Variants in LNX1 observed in about 807,000 individuals in gnomAD.
The protein encoded by LNX1 is E3 ubiquitin-protein ligase LNX.
LNX1 carries 54 observed loss-of-function variants against 68.4 expected under a neutral mutation model. The ratio of observed to expected loss-of-function variants is 0.79; its 90% CI spans 0.63 to 0.99. The LOEUF (loss-of-function observed/expected upper bound fraction) is 0.99, where lower values mean the gene tolerates loss of function less well. Among genes scored for constraint, LNX1 ranks in the 50% least tolerant of loss-of-function variants. The pLI is 0.00. For synonymous variants in LNX1, 336 were observed against 350.0 expected, an observed-to-expected ratio of 0.96 and a Z score of 0.45; for missense variants, 906 against 926.4, an observed-to-expected ratio of 0.98 and a Z score of 0.29.
rs530828165 is a variant in LNX1, at chr4:53,460,584, A to G, written c.*323T>C. ...CCTTGGCAGACTTCAGCATATACCA[A>G]ATTTTAAATTTAAATCAGCTTGAAT... On this transcript the variant is annotated 3_prime_UTR_variant, in exon 11 of 11. Transcript: ENST00000263925. 7.9e-6 allele frequency: 2 copies of G among 251,662 alleles called. No homozygotes were observed. Among genetic ancestry groups the G allele is most frequent in the South Asian group, 1.1e-4 (1 of 8,814 alleles). 15.6% of individuals were successfully genotyped at this position (251,662 alleles called of 1,614,324 possible).
At chr4:53,539,871 C>T (rs1200391077) in intron 2 of LNX1, among the ~76,000 whole-genome samples, 2 of 152,218 alleles carry the variant, frequency 1.3e-5, no homozygotes, top group African/African-American at 4.8e-5. Flanking sequence ...CCCAGTGAGG[C>T]TGTTCCTTCT....
intron 2 of LNX1, among the ~76,000 whole-genome samples, chr4:53,537,294 C>T (rs141949006): frequency 3.9e-5 from 6 of 152,170 alleles, no homozygotes; most frequent in Non-Finnish European, 7.3e-5. Context: ...AAATGGTAAA[C>T]AACACCCTTG....
intron 1 of LNX1, among the ~76,000 whole-genome samples, chr4:53,636,920 C>T (rs1323835559): frequency 6.6e-6 from 1 of 151,494 alleles, no homozygotes; most frequent in African/African-American, 2.4e-5. Flanking sequence ...ATACACTTAT[C>T]TTGTATGCAG....
chr4:53,470,827 A>C (rs1227674389), intron 9 of LNX1, among the ~76,000 whole-genome samples: 2 of 152,070 alleles, frequency 1.3e-5, no homozygotes, highest in African/African-American at 2.4e-5. Context: ...CCACTGCTCA[A>C]TGAAATAAAA....
chr4:53,565,660 C>T (rs1199518451), intron 2 of LNX1, among the ~76,000 whole-genome samples: 7 of 152,044 alleles, frequency 4.6e-5, no homozygotes, highest in East Asian at 1.9e-4. Context: ...ATGACTTTGA[C>T]GAGCTGAGAG....
chr4:53,515,769 C>T (rs368693443), intron 2 of LNX1, among the ~76,000 whole-genome samples: 22 of 152,092 alleles, frequency 1.4e-4, no homozygotes, highest in African/African-American at 4.8e-4. Flanking sequence ...TGGCACAGCA[C>T]GGAGGAAAAA....
intron 1 of LNX1, among the ~76,000 whole-genome samples, chr4:53,645,969 A>G (rs1371604420): frequency 6.6e-6 from 1 of 152,234 alleles, no homozygotes; most frequent in East Asian, 1.9e-4. Flanking sequence ...AGATGAGGAA[A>G]GCTTGGTACT....
intron 2 of LNX1, among the ~76,000 whole-genome samples, chr4:53,561,524 C>A (rs545346578): frequency 6.6e-5 from 10 of 152,270 alleles, no homozygotes; most frequent in Non-Finnish European, 1.3e-4. Flanking sequence ...CTGTGCCTGG[C>A]CCTCCGTGTA....
Position 53,543,757 on chromosome 4 carries a change from C to T in LNX1, c.380+29866G>A, listed in dbSNP as rs937342552. 3.9e-4 allele frequency among the ~76,000 whole-genome samples: 59 copies of T among 152,106 alleles called. 1 individual carries two copies. Among genetic ancestry groups the T allele is most frequent in the Non-Finnish European group, 2.9e-5 (2 of 68,012 alleles). On this transcript the variant is annotated intron_variant, in intron 2 of 10. Coordinates refer to ENST00000263925, the MANE Select transcript of LNX1 (RefSeq NM_001126328.3). ...TCACATCACTGGGCTCCTTTGAGAT[C>T]CATATGCCTCAATTCAACCCTGTCA...
upstream of LNX1, among the ~76,000 whole-genome samples, chr4:53,596,305 C>T (rs1336666411): frequency 6.6e-6 from 1 of 152,276 alleles, no homozygotes; most frequent in South Asian, 2.1e-4. Context: ...TGTGGACCTA[C>T]AGTTTAGGAG....
At chr4:53,546,845 A>G (rs1433834778) in intron 2 of LNX1, among the ~76,000 whole-genome samples, 2 of 152,162 alleles carry the variant, frequency 1.3e-5, no homozygotes, top group Admixed American at 1.3e-4. Context: ...CAGAGTCAAG[A>G]GACTGGCAGA....
At chr4:53,473,766 C>T (rs1368874824) in intron 9 of LNX1, among the ~76,000 whole-genome samples, 1 of 151,914 alleles carries the variant, frequency 6.6e-6, no homozygotes, top group Admixed American at 6.6e-5. Context: ...ATGAGTTTAC[C>T]TATATAACAA....
intron 6 of LNX1, among the ~76,000 whole-genome samples, chr4:53,483,853 G>C (rs1259335218): frequency 6.6e-6 from 1 of 152,210 alleles, no homozygotes; most frequent in African/African-American, 2.4e-5. Context: ...GACAATGGTG[G>C]TGGAGATATT....
chr4:53,526,580 A>C (rs1727626079), intron 2 of LNX1, among the ~76,000 whole-genome samples: 1 of 151,440 alleles, frequency 6.6e-6, no homozygotes, highest in East Asian at 1.9e-4. Context: ...CCCCTGTGCT[A>C]CTCTGGAAGT....
intron 1 of LNX1, among the ~76,000 whole-genome samples, chr4:53,629,946 T>G (rs1734208822): frequency 6.6e-6 from 1 of 152,184 alleles, no homozygotes; most frequent in Non-Finnish European, 1.5e-5. Flanking sequence ...TCCAAAACAC[T>G]GTTCCATTGA....
At chr4:53,463,593 T>G (rs1722376137) in intron 9 of LNX1, among the ~76,000 whole-genome samples, 1 of 151,850 alleles carries the variant, frequency 6.6e-6, no homozygotes, top group Non-Finnish European at 1.5e-5. Context: ...ATGTGAATGT[T>G]GGCTTTTTTC....
chr4:53,521,301 G>C (rs571392569), intron 2 of LNX1, among the ~76,000 whole-genome samples: 19 of 152,280 alleles, frequency 1.2e-4, no homozygotes, highest in Non-Finnish European at 2.2e-4. Context: ...GCTTGATATC[G>C]AGATGGAGGT....
At chr4:53,501,172 A>G (rs1363448592) in intron 4 of LNX1, among the ~76,000 whole-genome samples, 1 of 152,156 alleles carries the variant, frequency 6.6e-6, no homozygotes, top group Non-Finnish European at 1.5e-5. Context: ...ACTAAAGGAT[A>G]TAATCTTATT....
At chr4:53,635,751 G>A (rs1431786147) in intron 1 of LNX1, among the ~76,000 whole-genome samples, 1 of 152,108 alleles carries the variant, frequency 6.6e-6, no homozygotes, top group African/African-American at 2.4e-5. Flanking sequence ...TATAATCTCG[G>A]CACTCCCAGG....
Sources: gnomAD v4.1 joint callset for allele counts (sites outside exome capture counted in the v4.1 genomes callset) on GRCh38, gnomAD v4.1.1 for gene constraint, MANE v1.5 for transcripts, NCBI Gene and HGNC (gene_info 2026-07-23, HGNC 2026-07-21) for gene names.